Variants in NCOR2 observed in about 807,000 individuals in gnomAD.
NCOR2 encodes the protein CTG repeat protein 26.
NCOR2 carries 81 observed loss-of-function variants against 262.9 expected under a neutral mutation model. That is an observed-to-expected ratio of 0.31 (90% CI 0.26 to 0.37). The LOEUF (loss-of-function observed/expected upper bound fraction) is 0.37, where lower values mean the gene tolerates loss of function less well. Among genes scored for constraint, NCOR2 ranks in the 10% least tolerant of loss-of-function variants. The pLI, the probability that NCOR2 is intolerant of heterozygous loss-of-function variation, is 1.00. For missense variants in NCOR2, 3,385 were observed against 3,621.4 expected, an observed-to-expected ratio of 0.93 and a Z score of 1.68; for synonymous variants, 1,659 against 1,559.3, an observed-to-expected ratio of 1.06 and a Z score of -1.51.
intron 1 of NCOR2, among the ~76,000 whole-genome samples, chr12:124,557,259 G>A (rs766162103): frequency 1.3e-5 from 2 of 152,198 alleles, no homozygotes; most frequent in South Asian, 2.1e-4. Context: ...AGCTCCACAC[G>A]CCGGGGACTT....
At chr12:124,426,750 G>A (rs1484496446) in exon 11 of NCOR2, 21 of 1,604,510 alleles carry the variant, frequency 1.3e-5, no homozygotes, top group Non-Finnish European at 1.8e-5. Flanking sequence ...GGTCAGCGTC[G>A]TACAGCATGG....
At chr12:124,544,024 G>A (rs2051463559) in intron 1 of NCOR2, among the ~76,000 whole-genome samples, 1 of 152,226 alleles carries the variant, frequency 6.6e-6, no homozygotes, top group South Asian at 2.1e-4. Context: ...CTCCCAGAGA[G>A]TTCCCAGGAC....
chr12:124,404,532 C>T (rs1017710974), intron 13 of NCOR2, among the ~76,000 whole-genome samples: 9 of 152,216 alleles, frequency 5.9e-5, no homozygotes, highest in Non-Finnish European at 8.8e-5. Flanking sequence ...CACCCATGGA[C>T]CAACGAATCA....
At chr12:124,558,914 G>A (rs1379927500) in intron 1 of NCOR2, among the ~76,000 whole-genome samples, 1 of 152,154 alleles carries the variant, frequency 6.6e-6, no homozygotes, top group East Asian at 1.9e-4. Flanking sequence ...TATTGCCCAA[G>A]GCCATGTCAC....
chr12:124,439,855 A>G (rs546785636), intron 7 of NCOR2, among the ~76,000 whole-genome samples: 181 of 151,922 alleles, frequency 1.2e-3, no homozygotes, highest in Middle Eastern at 3.4e-3. Flanking sequence ...GGAAAGAGAC[A>G]AGACCCGAAG....
At chr12:124,521,550 T>C (rs567880683) in intron 1 of NCOR2, among the ~76,000 whole-genome samples, 5 of 151,900 alleles carry the variant, frequency 3.3e-5, no homozygotes, top group Non-Finnish European at 7.4e-5. Flanking sequence ...ATACCCAAAA[T>C]AGGTAAGTCC....
chr12:124,363,721 G>A (rs2038797384), exon 21 of NCOR2: 1 of 1,413,898 alleles, frequency 7.1e-7, no homozygotes, highest in Non-Finnish European at 9.3e-7. Context: ...GCTGCTTCAG[G>A]TCCAGTGGCT....
chr12:124,539,195 A>T (rs1222768438), upstream of NCOR2: 1 of 152,406 alleles, frequency 6.6e-6, no homozygotes. The surrounding 1 kb of genome is among the most constrained non-coding windows in gnomAD (Gnocchi z 5.1). Context: ...CCGCAGCAGC[A>T]GGTCTCACTC....
intron 20 of NCOR2, among the ~76,000 whole-genome samples, chr12:124,369,436 C>G (rs1173304476): frequency 6.6e-6 from 1 of 152,108 alleles, no homozygotes; most frequent in Non-Finnish European, 1.5e-5. Context: ...AGGGATGATA[C>G]TGGGCGGGCA....
upstream of NCOR2, among the ~76,000 whole-genome samples, chr12:124,499,254 G>A (rs911169673): frequency 2.0e-5 from 3 of 152,272 alleles, no homozygotes; most frequent in Non-Finnish European, 2.9e-5. Flanking sequence ...GATCCGGGCT[G>A]GAGGGGGAAT....
chr12:124,563,405 T>C (rs931479790), intron 1 of NCOR2, among the ~76,000 whole-genome samples: 1 of 152,236 alleles, frequency 6.6e-6, no homozygotes, highest in Non-Finnish European at 1.5e-5. Context: ...ATAATAACAA[T>C]GATGCTAAGT....
intron 7 of NCOR2, among the ~76,000 whole-genome samples, chr12:124,446,757 T>C (rs2045199927): frequency 6.6e-6 from 1 of 151,984 alleles, no homozygotes; most frequent in African/African-American, 2.4e-5. Flanking sequence ...ATCTAAAAAA[T>C]AGAAGGGATG....
exon 17 of NCOR2, chr12:124,385,751 C>T (rs780275111): frequency 6.2e-7 from 1 of 1,613,666 alleles, no homozygotes; most frequent in Non-Finnish European, 8.5e-7. Context: ...TCACCATCTT[C>T]AGCTTGTGCT....
intron 38 of NCOR2, 122 bp from the exon 41 acceptor site, chr12:124,335,754 T>A: frequency 8.5e-7 from 1 of 1,171,120 alleles, no homozygotes; most frequent in Non-Finnish European, 1.2e-6. Flanking sequence ...AAGCTAGGGG[T>A]AGGGTTTGGG....
At chr12:124,387,196 T>TTTCATTCA (rs373449303) in intron 16 of NCOR2, among the ~76,000 whole-genome samples, 200 of 147,664 alleles carry the variant, frequency 1.4e-3, no homozygotes, top group East Asian at 7.7e-3. Context: ...GTGTTGGTAT[T>TTTCATTCA]TTCATTCATT....
chr12:124,347,582 G>A (rs1190653925), intron 30 of NCOR2: 6 of 525,296 alleles, frequency 1.1e-5, no homozygotes, highest in Middle Eastern at 1.0e-3. Flanking sequence ...CAGGACAGTT[G>A]CTATGTGACA....
chr12:124,484,640 T>A (rs1280224692), intron 2 of NCOR2, among the ~76,000 whole-genome samples: 4 of 152,204 alleles, frequency 2.6e-5, no homozygotes, highest in Non-Finnish European at 4.4e-5. Context: ...CCTGCTGGGC[T>A]CTGCCTGGAG....
At chr12:124,413,606 C>T (rs2042706743) in intron 13 of NCOR2, among the ~76,000 whole-genome samples, 1 of 152,106 alleles carries the variant, frequency 6.6e-6, no homozygotes, top group African/African-American at 2.4e-5. Flanking sequence ...ACGGGCACCG[C>T]GCCAGGACCA....
intron 25 of NCOR2, 105 bp downstream of exon 27, chr12:124,354,732 T>C (rs966477388): frequency 6.9e-6 from 9 of 1,306,644 alleles, no homozygotes; most frequent in South Asian, 2.9e-5. Context: ...TCCCAGCTGC[T>C]ACCTGGAGTA....
Sources: allele counts gnomAD v4.1 joint callset (sites outside exome capture counted in the v4.1 genomes callset), GRCh38; gene constraint gnomAD v4.1.1; non-coding constraint Gnocchi (gnomAD v3.1); transcripts MANE v1.5; gene names NCBI Gene and HGNC (gene_info 2026-07-23, HGNC 2026-07-21).